ZCWPW2: variants seen among roughly 807,000 people sequenced by gnomAD.
The protein encoded by ZCWPW2 is zinc finger CW-type PWWP domain protein 2.
In ZCWPW2, 45 loss-of-function variants were observed where a neutral mutation model predicts 46.6. The ratio of observed to expected loss-of-function variants is 0.96; its 90% confidence interval spans 0.76 to 1.24. The LOEUF is 1.24. Ranked by LOEUF, ZCWPW2 falls within the 50% of genes most tolerant of loss-of-function variation. ZCWPW2 has a pLI of 0.00. For missense variants in ZCWPW2, 429 were observed against 403.9 expected (o/e 1.06, Z -0.53); for synonymous variants, 152 against 137.1 (o/e 1.11, Z -0.76).
chr3:28,440,680 C>A (rs1697713785), intron 4 of ZCWPW2, among the ~76,000 whole-genome samples: 1 of 152,152 alleles, frequency 6.6e-6, no homozygotes, highest in South Asian at 2.1e-4. Flanking sequence ...TAAGCATGAG[C>A]CCACTGCCAC....
intron 4 of ZCWPW2, among the ~76,000 whole-genome samples, chr3:28,471,123 A>G (rs1324808840): frequency 6.6e-6 from 1 of 152,214 alleles, no homozygotes; most frequent in Non-Finnish European, 1.5e-5. Context: ...AAAGTCTCCC[A>G]GCAAAGAAAA....
intron 3 of ZCWPW2, among the ~76,000 whole-genome samples, chr3:28,431,676 A>AT (rs1255960571): frequency 6.6e-6 from 1 of 152,066 alleles, no homozygotes; most frequent in Non-Finnish European, 1.5e-5. Context: ...TCACTTTACA[A>AT]TTTTTTAATT....
rs571305064 is a variant in ZCWPW2 at position 28,391,671 on chromosome 3, T to C, written c.-14+1054T>C. 2.0e-5 allele frequency among the ~76,000 whole-genome samples: 3 copies of C among 152,254 alleles called. No homozygotes were observed. The East Asian group carries it at 5.8e-4, about 29-fold the overall frequency. ...CAGTTTTCACGGAATCCTCTTAGTGTTTGTCAGCATGACCTCTAATGCTCT... is the reference window on the plus strand; with the variant it reads ...CAGTTTTCACGGAATCCTCTTAGTGCTTGTCAGCATGACCTCTAATGCTCT... On this transcript the variant is annotated intron_variant, in intron 2 of 9. Transcript: ENST00000383768.
At chr3:28,355,570 G>C (rs1464856620) in intron 1 of ZCWPW2, among the ~76,000 whole-genome samples, 1 of 152,200 alleles carries the variant, frequency 6.6e-6, no homozygotes, top group African/African-American at 2.4e-5. Context: ...GAACAAAGCT[G>C]GAGGCATCAC....
At chr3:28,401,245 A>C (rs1379891888) in intron 2 of ZCWPW2, among the ~76,000 whole-genome samples, 1 of 152,130 alleles carries the variant, frequency 6.6e-6, no homozygotes, top group Non-Finnish European at 1.5e-5. Context: ...ACAGATAGAA[A>C]GATGAATGGA....
At chr3:28,516,295 A>C (rs947688633) in intron 8 of ZCWPW2, among the ~76,000 whole-genome samples, 12 of 151,010 alleles carry the variant, frequency 7.9e-5, no homozygotes, top group Admixed American at 5.9e-4. Context: ...ATAAATAAAT[A>C]AATAAATAAA....
At chr3:28,452,988 G>A (rs993417974) in intron 4 of ZCWPW2, among the ~76,000 whole-genome samples, 1 of 152,292 alleles carries the variant, frequency 6.6e-6, no homozygotes, top group African/African-American at 2.4e-5. Flanking sequence ...GTACATGACT[G>A]AAATGAGACC....
intron 1 of ZCWPW2, among the ~76,000 whole-genome samples, chr3:28,370,565 A>T (rs1025680173): frequency 6.6e-6 from 1 of 152,188 alleles, no homozygotes; most frequent in Non-Finnish European, 1.5e-5. Context: ...TGGGGAGAAG[A>T]AAGACGGTAG....
chr3:28,413,717 T>C (rs527847947), intron 3 of ZCWPW2, among the ~76,000 whole-genome samples: 72 of 152,242 alleles, frequency 4.7e-4, no homozygotes, highest in African/African-American at 1.7e-3. Context: ...CTGATTTTCT[T>C]TGTGATTTCC....
chr3:28,456,954 A>C (rs1327125145), intron 4 of ZCWPW2, among the ~76,000 whole-genome samples: 1 of 152,114 alleles, frequency 6.6e-6, no homozygotes, highest in African/African-American at 2.4e-5. Context: ...TATCTATACC[A>C]GGTTTTGGTA....
At chr3:28,449,063 A>G (rs543239395) in intron 4 of ZCWPW2, among the ~76,000 whole-genome samples, 2 of 152,270 alleles carry the variant, frequency 1.3e-5, no homozygotes, top group East Asian at 3.9e-4. Flanking sequence ...AATAGAATAG[A>G]CAGCCCAGAA....
intron 1 of ZCWPW2, among the ~76,000 whole-genome samples, chr3:28,367,676 C>T (rs1328194093): frequency 6.6e-6 from 1 of 152,146 alleles, no homozygotes; most frequent in Non-Finnish European, 1.5e-5. Flanking sequence ...TGGTGCAGAG[C>T]TGAGTTCAAT....
At chr3:28,371,952 T>C (rs1705347536) in intron 1 of ZCWPW2, among the ~76,000 whole-genome samples, 1 of 148,582 alleles carries the variant, frequency 6.7e-6, no homozygotes, top group Admixed American at 7.0e-5. Flanking sequence ...ATCTTCCTTC[T>C]TCTTCTTCCT....
chr3:28,522,319 T>A (rs868642375), intron 9 of ZCWPW2, among the ~76,000 whole-genome samples: 10 of 152,250 alleles, frequency 6.6e-5, no homozygotes, highest in Middle Eastern at 3.4e-3. Context: ...CACCCAAGGT[T>A]TGGCTATTAT....
intron 4 of ZCWPW2, among the ~76,000 whole-genome samples, chr3:28,454,046 G>A (rs1006265729): frequency 1.5e-4 from 23 of 151,264 alleles, no homozygotes; most frequent in South Asian, 4.1e-4. Flanking sequence ...GGGTTTCACC[G>A]TGTTAGCCAG....
At chr3:28,427,586 A>G (rs2125755061) in intron 3 of ZCWPW2, among the ~76,000 whole-genome samples, 1 of 152,328 alleles carries the variant, frequency 6.6e-6, no homozygotes, top group African/African-American at 2.4e-5. Flanking sequence ...ATGTTTAAAT[A>G]TGAACAGAAG....
chr3:28,522,298 A>AT (rs1303499006), intron 9 of ZCWPW2, among the ~76,000 whole-genome samples: 2 of 152,318 alleles, frequency 1.3e-5, no homozygotes, highest in African/African-American at 4.8e-5. Context: ...AGTGCTTTGC[A>AT]TAGGAACAAA....
rs897204916 is a variant in ZCWPW2 at position 28,500,417 on chromosome 3, T to C, written c.657+8244T>C. 5.9e-5 allele frequency among the ~76,000 whole-genome samples: 9 copies of C among 152,258 alleles called. No homozygotes were observed. In the South Asian group the frequency reaches 6.2e-4, roughly 11 times the overall value. On this transcript the variant is annotated intron_variant, in intron 6 of 9. Transcript: ENST00000383768. ...CTAATTAACTCTATCCCAGATATTA[T>C]TACCAACTGGAAAAGGATCTGTTTT...
rs757774966 is a variant in ZCWPW2, at chr3:28,413,326, G to A, written c.258G>A (p.Gln86=). 1.2e-6 allele frequency: 2 copies of A among 1,613,236 alleles called. No homozygotes were observed. The highest frequency in any genetic ancestry group is 1.7e-6 in the Non-Finnish European group (2 of 1,179,452). ...EDFPEESQLH[Q]CGFKIVYSQL... ...TCCCTGAAGAGTCTCAGCTTCATCAGTGTGGATTTAAGATTGTCTATTCAC... is the reference window on the plus strand; with the variant it reads ...TCCCTGAAGAGTCTCAGCTTCATCAATGTGGATTTAAGATTGTCTATTCAC... Residue 86 remains glutamine, a synonymous_variant, in exon 3 of 10, where the codon CAG becomes CAA. Coordinates refer to ENST00000383768, the MANE Select transcript of ZCWPW2 (RefSeq NM_001040432.4).
Sources: gnomAD v4.1 joint callset for allele counts (sites outside exome capture counted in the v4.1 genomes callset) on GRCh38, gnomAD v4.1.1 for gene constraint, MANE v1.5 for transcripts, NCBI Gene and HGNC (gene_info 2026-07-23, HGNC 2026-07-21) for gene names.